The following FOCAD variants were observed in gnomAD, a reference collection of about 807,000 sequenced individuals.
FOCAD encodes the protein focadhesin.
Under a neutral mutation model 225.6 loss-of-function variants are expected in FOCAD, and 198 were observed. The observed-to-expected ratio is 0.88, with a 90% confidence interval of 0.78 to 0.99. The LOEUF (loss-of-function observed/expected upper bound fraction) is 0.99, where lower values mean the gene tolerates loss of function less well. Among genes scored for constraint, FOCAD ranks in the 50% least tolerant of loss-of-function variants. The pLI is 0.00. For missense variants in FOCAD, 2,713 were observed against 2,123.6 expected (o/e 1.28, Z -5.46); for synonymous variants, 897 against 755.0 (o/e 1.19, Z -3.08).
intron 15 of FOCAD, among the ~76,000 whole-genome samples, chr9:20,835,117 A>T (rs1825870476): frequency 6.6e-6 from 1 of 151,900 alleles, no homozygotes; most frequent in Admixed American, 6.6e-5. Flanking sequence ...TACTTGTCAG[A>T]ATTTATCAAA....
At chr9:20,719,778 CTTTTTTTTTTTT>C (rs34384301) in intron 3 of FOCAD, among the ~76,000 whole-genome samples, 18 of 62,130 alleles carry the variant, frequency 2.9e-4, no homozygotes, top group Admixed American at 1.7e-3. Context: ...TTTTCCTAGG[CTTTTTTTTTTTT>C]TTTTTTTTTT....
At chr9:20,866,072 C>G in intron 17 of FOCAD, 96 bp downstream of exon 17, 2 of 1,047,450 alleles carry the variant, frequency 1.9e-6, no homozygotes, top group African/African-American at 1.7e-5. Flanking sequence ...AGTACAACTG[C>G]CTTGAAATAA....
At chr9:20,720,207 C>G (rs1211214873) in intron 3 of FOCAD, among the ~76,000 whole-genome samples, 173 bp from the exon 4 acceptor site, 3 of 152,148 alleles carry the variant, frequency 2.0e-5, no homozygotes, top group Non-Finnish European at 4.4e-5. Flanking sequence ...TCCATTACCT[C>G]TCTTGGAAAA....
At chr9:20,738,138 T>A (rs1024063765) in intron 4 of FOCAD, among the ~76,000 whole-genome samples, 4 of 152,210 alleles carry the variant, frequency 2.6e-5, no homozygotes, top group Admixed American at 1.3e-4. Flanking sequence ...GAGGTATCTT[T>A]TTCCTAAGCT....
chr9:20,739,776 T>A (rs1827456704), intron 4 of FOCAD, among the ~76,000 whole-genome samples: 2 of 152,170 alleles, frequency 1.3e-5, no homozygotes. Flanking sequence ...TAAATTGCTA[T>A]TCCCTTTCTA....
chr9:20,924,948 A>G (rs1834801940), intron 25 of FOCAD, among the ~76,000 whole-genome samples: 1 of 152,170 alleles, frequency 6.6e-6, no homozygotes, highest in Non-Finnish European at 1.5e-5. Flanking sequence ...AGTGTAGGAC[A>G]GCTAGTTTGA....
intron 19 of FOCAD, among the ~76,000 whole-genome samples, chr9:20,879,961 C>A (rs1056497544): frequency 2.0e-5 from 3 of 152,166 alleles, no homozygotes; most frequent in African/African-American, 7.2e-5. Flanking sequence ...GAAGAAATTA[C>A]TTTCTTTCAT....
chr9:20,940,106 C>G (rs929763671), intron 28 of FOCAD, among the ~76,000 whole-genome samples: 1 of 152,060 alleles, frequency 6.6e-6, no homozygotes, highest in African/African-American at 2.4e-5. Flanking sequence ...ACGGGTAGGC[C>G]TGGACTTCCT....
intron 15 of FOCAD, among the ~76,000 whole-genome samples, chr9:20,826,729 C>T (rs1222460801): frequency 1.3e-5 from 2 of 152,094 alleles, no homozygotes; most frequent in Non-Finnish European, 2.9e-5. Context: ...CAATTTAATA[C>T]ATGGCTCACA....
Position 20,770,119 on chromosome 9 carries a change from A to G in FOCAD, c.787A>G (p.Ile263Val), listed in dbSNP as rs1213773824. Residue 263 changes from isoleucine (I) to valine (V), a missense_variant, in exon 8 of 44, where the codon ATT becomes GTT. Physicochemically the swap from Ile to Val is conservative, Grantham distance 29. Transcript: ENST00000338382. ...TTTGCGTCATCCTGTTTTCTGGAAA[A>G]TTCAGCTTACCCAGATGAGTCTTCA... is the stretch of plus-strand genomic sequence containing the variant. ...SLLRHPVFWK[I>V]QLTQMSLQLL... The G allele has an allele frequency of 6.2e-7, 1 of 1,614,126 alleles. No individual in the cohort carries two copies. The highest frequency in any genetic ancestry group is 2.2e-5 in the East Asian group (1 of 44,882).
chr9:20,982,308 C>T (rs1165034561), intron 38 of FOCAD, 49 bp from the exon 39 acceptor site: 1 of 1,269,994 alleles, frequency 7.9e-7, no homozygotes, highest in Non-Finnish European at 1.1e-6. Context: ...ACATTTTGAC[C>T]TGTTATTTTA....
At chr9:20,803,135 C>T (rs115950017) in intron 11 of FOCAD, among the ~76,000 whole-genome samples, 2 of 151,940 alleles carry the variant, frequency 1.3e-5, no homozygotes. Context: ...ATTAAGTGGA[C>T]TTATCATGGA....
At chr9:20,768,463 G>A (rs1162314689) in intron 7 of FOCAD, among the ~76,000 whole-genome samples, 2 of 151,840 alleles carry the variant, frequency 1.3e-5, no homozygotes, top group Non-Finnish European at 1.5e-5. Flanking sequence ...CCATGAGCAT[G>A]GAATGTTCTT....
At chr9:20,880,829 TC>T (rs1352900850) in intron 19 of FOCAD, among the ~76,000 whole-genome samples, 2 of 152,226 alleles carry the variant, frequency 1.3e-5, no homozygotes, top group African/African-American at 4.8e-5. Flanking sequence ...TTTTCTTTTT[TC>T]ATTTTCCGCT....
At chr9:20,685,137 A>C (rs1277966842) in intron 1 of FOCAD, among the ~76,000 whole-genome samples, 1 of 150,506 alleles carries the variant, frequency 6.6e-6, no homozygotes, top group Non-Finnish European at 1.5e-5. Flanking sequence ...TAAAATCGGC[A>C]TTTCCTGCGT....
At chr9:20,885,382 A>G (rs1035164852) in intron 21 of FOCAD, 152 bp downstream of exon 21, 3 of 619,484 alleles carry the variant, frequency 4.8e-6, no homozygotes, top group Non-Finnish European at 7.0e-6. Flanking sequence ...CTGAATACTC[A>G]AATATTTCAA....
rs1779188191 is a variant in FOCAD, at chr9:20,862,506, AG to A, written c.1921-71del. Reference sequence around the variant, plus strand: ...CTTAAGTTTCCTTATAATAAAATATAGTACTCTTAATTAATGGCTTCATATA... The same window carrying A: ...CTTAAGTTTCCTTATAATAAAATATATACTCTTAATTAATGGCTTCATATA... On this transcript the variant is annotated intron_variant, in intron 15 of 43. Coordinates refer to ENST00000338382, the MANE Select transcript of FOCAD (RefSeq NM_001375567.1). 6.6e-6 allele frequency: 10 copies of A among 1,505,686 alleles called. No homozygotes were observed. In the South Asian group the frequency reaches 1.1e-4, roughly 16 times the overall value. The allele number at this position is 1,505,686 out of a possible 1,614,324, so 93.3% of individuals were successfully genotyped here.
intron 1 of FOCAD, among the ~76,000 whole-genome samples, chr9:20,685,282 A>C (rs2131316451): frequency 6.6e-6 from 1 of 151,450 alleles, no homozygotes; most frequent in Non-Finnish European, 1.5e-5. Context: ...CTGTATCAGT[A>C]ATGACTCCAG....
chr9:20,758,277 T>C, intron 6 of FOCAD, 86 bp downstream of exon 6: 1 of 878,852 alleles, frequency 1.1e-6, no homozygotes, highest in South Asian at 1.9e-5. Context: ...TTTTGTTTGT[T>C]TGTTTCTTTT....
Sources: gnomAD v4.1 joint callset for allele counts (sites outside exome capture counted in the v4.1 genomes callset) on GRCh38, gnomAD v4.1.1 for gene constraint, MANE v1.5 for transcripts, NCBI Gene and HGNC (gene_info 2026-07-23, HGNC 2026-07-21) for gene names.